CD53: variants seen among roughly 807,000 people sequenced by gnomAD.
CD53 encodes the protein CD53 molecule.
CD53 carries 20 observed loss-of-function variants against 27.3 expected under a neutral mutation model. That is an observed-to-expected ratio of 0.73 (90% confidence interval 0.52 to 1.07). The LOEUF (loss-of-function observed/expected upper bound fraction) is 1.07, where lower values mean the gene tolerates loss of function less well. Among genes scored for constraint, CD53 ranks in the 50% least tolerant of loss-of-function variants. The pLI is 0.00. For missense variants in CD53, 216 were observed against 264.0 expected, an observed-to-expected ratio of 0.82 and a Z score of 1.26; for synonymous variants, 106 against 105.3, an observed-to-expected ratio of 1.01 and a Z score of -0.04.
chr1:110,898,082 T>C (rs1657141442), intron 7 of CD53, among the ~76,000 whole-genome samples, 190 bp downstream of exon 7: 1 of 152,180 alleles, frequency 6.6e-6, no homozygotes, highest in African/African-American at 2.4e-5. Context: ...AAATGTGCTA[T>C]AAGAACATCT....
At position 110,896,658 on chromosome 1, in the gene CD53, G is replaced by A. The variant is rs1260885244; in HGVS notation, c.429G>A (p.Gln143=). ...AAWDSIQSFL[Q]CCGINGTSDW... ...TTTGGGGGTTTGGCTTTTAGCTGCA[G>A]TGTTGTGGTATAAATGGCACGAGTG... Residue 143 remains glutamine, a synonymous_variant, in exon 6 of 8, where the codon CAG becomes CAA. Transcript: ENST00000271324. The A allele has an allele frequency of 1.6e-5, 26 of 1,612,776 alleles. No homozygotes were observed. Among genetic ancestry groups the A allele is most frequent in the Non-Finnish European group, 2.2e-5 (26 of 1,179,512 alleles).
chr1:110,879,379 C>G (rs1349532638), intron 1 of CD53, among the ~76,000 whole-genome samples: 1 of 152,186 alleles, frequency 6.6e-6, no homozygotes, highest in Non-Finnish European at 1.5e-5. Flanking sequence ...TAACAGAATT[C>G]AAAACTAGAC....
At chr1:110,873,367 A>G (rs1382326068) in intron 1 of CD53, 119 bp downstream of exon 1, 2 of 152,638 alleles carry the variant, frequency 1.3e-5, no homozygotes, top group Non-Finnish European at 2.9e-5. Flanking sequence ...TCTTTCACAA[A>G]TATTTAGTGC....
At chr1:110,871,319 A>T (rs1323721347), upstream of CD53, among the ~76,000 whole-genome samples, 1 of 152,144 alleles carries the variant, frequency 6.6e-6, no homozygotes, top group Non-Finnish European at 1.5e-5. Flanking sequence ...CTGGTTTGAG[A>T]AATATTTAGG....
intron 1 of CD53, among the ~76,000 whole-genome samples, chr1:110,879,918 A>T (rs550361716): frequency 6.6e-6 from 1 of 152,252 alleles, no homozygotes; most frequent in African/African-American, 2.4e-5. Flanking sequence ...TCTAAGCTTG[A>T]TTAAATTCAA....
chr1:110,887,217 C>T (rs1656660035), intron 1 of CD53, among the ~76,000 whole-genome samples: 1 of 152,036 alleles, frequency 6.6e-6, no homozygotes, highest in Admixed American at 6.6e-5. Flanking sequence ...GCGCCCACCA[C>T]CACGCCTGGC....
chr1:110,892,250 A>C, intron 2 of CD53, 95 bp from the exon 3 acceptor site: 1 of 927,838 alleles, frequency 1.1e-6, no homozygotes, highest in Non-Finnish European at 1.8e-6. Context: ...AGCCAGTTAA[A>C]AATAAAGTGA....
intron 1 of CD53, among the ~76,000 whole-genome samples, chr1:110,886,846 A>AAGATATATATATATATATATAT (rs141935496): frequency 4.9e-5 from 5 of 101,010 alleles, no homozygotes; most frequent in South Asian, 3.6e-4. Flanking sequence ...CTCTGTCTCC[A>AAGATATATATATATATATATAT]ATATATATAT....
At chr1:110,876,477 C>T (rs956697404) in intron 1 of CD53, among the ~76,000 whole-genome samples, 1 of 152,220 alleles carries the variant, frequency 6.6e-6, no homozygotes, top group East Asian at 1.9e-4. Flanking sequence ...ATTTTATTTT[C>T]CAAACCTTTT....
chr1:110,882,968 T>TA (rs1656416078), intron 1 of CD53, among the ~76,000 whole-genome samples: 1 of 152,058 alleles, frequency 6.6e-6, no homozygotes, highest in Non-Finnish European at 1.5e-5. Context: ...TAGATTTATT[T>TA]AGATTTTCTA....
chr1:110,895,939 A>C (rs145917176), intron 5 of CD53, among the ~76,000 whole-genome samples: 204 of 152,276 alleles, frequency 1.3e-3, no homozygotes, highest in African/African-American at 4.7e-3. Flanking sequence ...AAATTTTATA[A>C]TTTCTTAATA....
intron 1 of CD53, among the ~76,000 whole-genome samples, chr1:110,887,843 C>T (rs1656688215): frequency 6.6e-6 from 1 of 152,168 alleles, no homozygotes. Context: ...TCTTAATGGA[C>T]ACTTTGGTAG....
At chr1:110,898,720 A>G (rs1657175297) in intron 7 of CD53, among the ~76,000 whole-genome samples, 1 of 151,938 alleles carries the variant, frequency 6.6e-6, no homozygotes, top group Non-Finnish European at 1.5e-5. Flanking sequence ...AGTGTTGGGT[A>G]TATCATAGAT....
Position 110,892,439 on chromosome 1 carries a change from G to A in CD53, c.158G>A (p.Gly53Asp). Reference protein sequence around the residue: ...LFHNLPSLTLGNVFVIVGSII... With the variant: ...LFHNLPSLTLDNVFVIVGSII... ...CATAACCTCCCCTCCCTCACGCTGG[G>A]CAATGTGTTTGTCATCGTGGGCTCT... Residue 53 changes from glycine (G) to aspartate (D), a missense_variant, in exon 3 of 8, where the codon GGC becomes GAC. Physicochemically the swap from Gly to Asp is moderately conservative, Grantham distance 94. Transcript: ENST00000271324. The A allele has an allele frequency of 3.1e-6, 5 of 1,613,858 alleles. No individual in the cohort carries two copies. The highest frequency in any genetic ancestry group is 1.3e-5 in the African/African-American group (1 of 75,002).
Position 110,896,721 on chromosome 1 carries a change from T to C in CD53, c.492T>C (p.Asp164=), listed in dbSNP as rs1415356018. The C allele has an allele frequency of 6.2e-7, 1 of 1,612,938 alleles. No individual in the cohort carries two copies. Among genetic ancestry groups the C allele is most frequent in the East Asian group, 2.2e-5 (1 of 44,810 alleles). The change falls in exon 6 of 8, where the codon GAT becomes GAC. Residue 164 remains aspartate (D), a synonymous_variant. Transcript: ENST00000271324. ...GCCCACCAGCATCTTGCCCCTCAGA[T>C]CGAAAAGTGGAGGTAATTTTGTCGG... ...TSGPPASCPS[D]RKVEGCYAKA...
Position 110,891,185 on chromosome 1 carries a change from C to T in CD53, c.-17-207C>T, listed in dbSNP as rs116474457. Among the ~76,000 whole-genome samples, 599 of 152,266 alleles carry T rather than the reference C, an allele frequency of 3.9e-3. 1 individual carries two copies. The highest frequency in any genetic ancestry group is 0.014 in the African/African-American group (574 of 41,546). On this transcript the variant is annotated intron_variant, in intron 1 of 7. Transcript: ENST00000271324. ...TCAATGTTAAGCATTGTTGGCTTGC[C>T]GAATTGGGCAAAAACTGAATGTCTA...
chr1:110,885,660 C>G (rs565753215), intron 1 of CD53, among the ~76,000 whole-genome samples: 3 of 152,004 alleles, frequency 2.0e-5, no homozygotes, highest in African/African-American at 4.8e-5. Flanking sequence ...GTCAGGAGTT[C>G]GAGACCAGCC....
chr1:110,894,607 A>G (rs1656986135), intron 4 of CD53, among the ~76,000 whole-genome samples: 1 of 152,166 alleles, frequency 6.6e-6, no homozygotes, highest in South Asian at 2.1e-4. Flanking sequence ...GGGTGCCTGG[A>G]AAGAGCAGTA....
rs771615917 is a variant in CD53 at position 110,891,404 on chromosome 1, A to T, written c.-5A>T. 2.5e-6 allele frequency: 4 copies of T among 1,612,014 alleles called. No homozygotes were observed. Among genetic ancestry groups the T allele is most frequent in the Non-Finnish European group, 3.4e-6 (4 of 1,178,202 alleles). ...CCTTATTCCTTAGGGCAAGAATATCACGGCATGGGCATGAGTAGCTTGAAA... is the reference window on the plus strand; with the variant it reads ...CCTTATTCCTTAGGGCAAGAATATCTCGGCATGGGCATGAGTAGCTTGAAA... On this transcript the variant is annotated 5_prime_UTR_variant, in exon 2 of 8. Coordinates refer to ENST00000271324, the MANE Select transcript of CD53 (RefSeq NM_000560.4).
Sources: allele counts gnomAD v4.1 joint callset (sites outside exome capture counted in the v4.1 genomes callset), GRCh38; gene constraint gnomAD v4.1.1; transcripts MANE v1.5; gene names NCBI Gene and HGNC (gene_info 2026-07-23, HGNC 2026-07-21).